MSRA: variants seen among roughly 807,000 people sequenced by gnomAD.
MSRA encodes methionine sulfoxide reductase A.
Under a neutral mutation model 31.3 loss-of-function variants are expected in MSRA, and 54 were observed. The observed-to-expected ratio is 1.73, with a 90% confidence interval of 1.39 to 2.17. The LOEUF (loss-of-function observed/expected upper bound fraction) is 2.17, where lower values mean the gene tolerates loss of function less well. MSRA is among the 30% of genes most tolerant of loss of function. The pLI is 0.00. For missense variants in MSRA, 507 were observed against 300.9 expected, an observed-to-expected ratio of 1.69 and a Z score of -5.07; for synonymous variants, 169 against 116.5, an observed-to-expected ratio of 1.45 and a Z score of -2.90.
chr8:10,126,731 C>T (rs893289221), intron 1 of MSRA, among the ~76,000 whole-genome samples: 12 of 152,214 alleles, frequency 7.9e-5, no homozygotes, highest in African/African-American at 2.7e-4. Flanking sequence ...CCAGGCTGGT[C>T]TCAAACTCCT....
intron 3 of MSRA, among the ~76,000 whole-genome samples, chr8:10,292,163 C>T (rs957987467): frequency 1.3e-5 from 2 of 152,182 alleles, no homozygotes; most frequent in Admixed American, 1.3e-4. Flanking sequence ...TGGTTAGGGA[C>T]AGAGGGTTGG....
Position 10,322,651 on chromosome 8 carries a change from C to G in MSRA, c.543+2662C>G, listed in dbSNP as rs538351982. On this transcript the variant is annotated intron_variant, in intron 5 of 5. Coordinates refer to ENST00000317173, the MANE Select transcript of MSRA (RefSeq NM_012331.5). ...CAGGGAGGATTGTTAGGACTGCTAACTGGGCTAATGCTTGTGAAACACAGG... is the reference window on the plus strand; with the variant it reads ...CAGGGAGGATTGTTAGGACTGCTAAGTGGGCTAATGCTTGTGAAACACAGG... Among the ~76,000 whole-genome samples the G allele has an allele frequency of 3.9e-5, 6 of 152,270 alleles. No individual in the cohort carries two copies. The South Asian group carries it at 1.0e-3, about 26-fold the overall frequency.
chr8:10,126,015 G>T (rs1801472092), intron 1 of MSRA, among the ~76,000 whole-genome samples: 1 of 152,182 alleles, frequency 6.6e-6, no homozygotes, highest in African/African-American at 2.4e-5. Flanking sequence ...CCAACTTTTA[G>T]GGCAAGGCTC....
At chr8:10,330,206 T>TATAC (rs145118249) in intron 5 of MSRA, among the ~76,000 whole-genome samples, 17 of 148,146 alleles carry the variant, frequency 1.1e-4, no homozygotes, top group Non-Finnish European at 2.5e-4. Context: ...AAATGTGATA[T>TATAC]ACACACACAC....
rs74448491 is a variant in MSRA, at chr8:10,188,686, C to G, written c.143-19147C>G. ...CTGTCCTTTCCTGATTGAATTATCT[C>G]AGCACCCTTGTCACAATTAAATCCT... On this transcript the variant is annotated intron_variant, in intron 1 of 5. Transcript: ENST00000317173. 3.9e-3 allele frequency among the ~76,000 whole-genome samples: 599 copies of G among 152,322 alleles called. 1 individual carries two copies. The highest frequency in any genetic ancestry group is 0.027 in the Middle Eastern group (8 of 294).
At chr8:10,276,366 C>A (rs982659342) in intron 3 of MSRA, among the ~76,000 whole-genome samples, 1 of 152,178 alleles carries the variant, frequency 6.6e-6, no homozygotes, top group African/African-American at 2.4e-5. Flanking sequence ...CAGTTTCTTG[C>A]AATTTCCTTT....
Position 10,320,264 on chromosome 8 carries a change from T to G in MSRA, c.543+275T>G, listed in dbSNP as rs544992934. 5.1e-3 allele frequency: 1,214 copies of G among 240,174 alleles called. 7 individuals carry two copies. The highest frequency in any genetic ancestry group is 8.2e-3 in the Non-Finnish European group (1,022 of 124,294). 14.9% of individuals were successfully genotyped at this position (240,174 alleles called of 1,614,324 possible). ...CAGAAGGATACTTGAGGCCAGGAGTTCGAGACCAGCCTGGGCAACATGAAG... is the reference window on the plus strand; with the variant it reads ...CAGAAGGATACTTGAGGCCAGGAGTGCGAGACCAGCCTGGGCAACATGAAG... On this transcript the variant is annotated intron_variant, in intron 5 of 5. Transcript: ENST00000317173.
chr8:10,247,237 C>G (rs897418393), intron 3 of MSRA, among the ~76,000 whole-genome samples: 1 of 152,162 alleles, frequency 6.6e-6, no homozygotes, highest in African/African-American at 2.4e-5. Flanking sequence ...CAGCTTCTAT[C>G]TTTTACAGAG....
At chr8:10,063,826 A>C (rs553879267) in intron 1 of MSRA, among the ~76,000 whole-genome samples, 1 of 152,316 alleles carries the variant, frequency 6.6e-6, no homozygotes, top group Non-Finnish European at 1.5e-5. Context: ...ATAAGCTGCC[A>C]GGTTATGGTA....
chr8:10,296,483 C>T (rs1041291595), intron 3 of MSRA, among the ~76,000 whole-genome samples: 4 of 152,064 alleles, frequency 2.6e-5, no homozygotes, highest in African/African-American at 9.7e-5. Flanking sequence ...AGTAGGACAC[C>T]CGGGATCACA....
intron 1 of MSRA, among the ~76,000 whole-genome samples, chr8:10,149,971 T>G (rs1328941992): frequency 2.8e-5 from 1 of 36,238 alleles, no homozygotes; most frequent in African/African-American, 7.5e-5. Context: ...TGCTGTTTTT[T>G]CCTCCTGAAT....
At chr8:10,299,955 A>G (rs986017541) in intron 3 of MSRA, among the ~76,000 whole-genome samples, 2 of 152,256 alleles carry the variant, frequency 1.3e-5, no homozygotes, top group African/African-American at 4.8e-5. Context: ...TTTCAGTCTA[A>G]TTGCCCAATG....
At chr8:10,255,924 C>A (rs937668131) in intron 3 of MSRA, among the ~76,000 whole-genome samples, 1 of 152,120 alleles carries the variant, frequency 6.6e-6, no homozygotes, top group African/African-American at 2.4e-5. Flanking sequence ...CCCATCCCCC[C>A]ACCATGCCCG....
At chr8:10,231,842 G>A (rs1467376931) in intron 2 of MSRA, among the ~76,000 whole-genome samples, 2 of 152,176 alleles carry the variant, frequency 1.3e-5, no homozygotes, top group Non-Finnish European at 2.9e-5. Context: ...GGCAGAGGTT[G>A]CAGTGATCCA....
In MSRA at chr8:10,383,906, A is replaced by G. The variant is rs574701773; in HGVS notation, c.544-44242A>G. Among the ~76,000 whole-genome samples the G allele has an allele frequency of 1.9e-4, 29 of 152,286 alleles. No individual in the cohort carries two copies. In the South Asian group the frequency reaches 5.6e-3, roughly 29 times the overall value. ...GCGTCAAAGGATATTAGGGACGGGA[A>G]GAACATCCAGGACATTCCTCATACG... On this transcript the variant is annotated intron_variant, in intron 5 of 5. Coordinates refer to ENST00000317173, the MANE Select transcript of MSRA (RefSeq NM_012331.5).
At chr8:10,166,578 T>C (rs1805145570) in intron 1 of MSRA, among the ~76,000 whole-genome samples, 3 of 152,256 alleles carry the variant, frequency 2.0e-5, no homozygotes, top group South Asian at 2.1e-4. Flanking sequence ...TGCATGTGTG[T>C]TTGTGTGTTG....
At chr8:10,116,169 A>C (rs905798960) in intron 1 of MSRA, among the ~76,000 whole-genome samples, 20 of 152,230 alleles carry the variant, frequency 1.3e-4, no homozygotes, top group Non-Finnish European at 2.8e-4. Flanking sequence ...GATTATGGCA[A>C]GCTTGTCCAA....
chr8:10,339,131 T>C (rs1000483945), intron 5 of MSRA, among the ~76,000 whole-genome samples: 1 of 152,204 alleles, frequency 6.6e-6, no homozygotes, highest in Non-Finnish European at 1.5e-5. Flanking sequence ...AAAATTTTCA[T>C]TGATCTCCTC....
chr8:10,174,238 C>T (rs6601419), intron 1 of MSRA, among the ~76,000 whole-genome samples: 52,259 of 151,824 alleles, frequency 0.34, 9,182 homozygotes, highest in East Asian at 0.47. Flanking sequence ...GGGGAGCCTG[C>T]TTCCAACTTT....
Sources: gnomAD v4.1 joint callset for allele counts (sites outside exome capture counted in the v4.1 genomes callset) on GRCh38, gnomAD v4.1.1 for gene constraint, MANE v1.5 for transcripts, NCBI Gene and HGNC (gene_info 2026-07-23, HGNC 2026-07-21) for gene names.